The following AK9 variants were observed in gnomAD, a reference collection of about 807,000 sequenced individuals.
AK9 encodes the protein adenylate kinase domain containing 1.
A neutral mutation model predicts 239.6 loss-of-function variants in AK9; 191 were observed. The ratio of observed to expected loss-of-function variants is 0.80; its 90% CI spans 0.71 to 0.90. The LOEUF is 0.90. Among genes scored for constraint, AK9 ranks in the 40% least tolerant of loss-of-function variants. AK9 has a pLI of 0.00. For missense variants in AK9, 1,995 were observed against 2,214.7 expected (o/e 0.90, Z 1.99); for synonymous variants, 689 against 721.0 (o/e 0.96, Z 0.71).
chr6:109,651,700 A>G (rs980227326), intron 8 of AK9, among the ~76,000 whole-genome samples: 1 of 152,198 alleles, frequency 6.6e-6, no homozygotes, highest in Non-Finnish European at 1.5e-5. Context: ...AAAAGAGAGA[A>G]AAATCAAATA....
In AK9 at chr6:109,671,942, T is replaced by G. The variant is rs376163411; in HGVS notation, c.308A>C (p.Asn103Thr). The G allele has an allele frequency of 1.3e-5, 21 of 1,613,860 alleles. No homozygotes were observed. The South Asian group carries it at 2.3e-4, about 18-fold the overall frequency. ...LVIKLMLEKL[N>T]SPEVCHFGYI... ...ACCAAAGTGACAGACTTCTGGGGAG[T>G]TGAGCTTCTCCAACATTAGCTTTAT... The change falls in exon 5 of 41, where the codon AAC becomes ACC. Residue 103 changes from asparagine (N) to threonine (T), a missense_variant. Around this residue, in one of 5 missense-constraint regions of AK9, gnomAD observed 252 missense variants for 246.4 expected, o/e 1.02. Transcript: ENST00000424296.
At chr6:109,686,525 G>C (rs1240053365) in intron 1 of AK9, among the ~76,000 whole-genome samples, 3 of 152,200 alleles carry the variant, frequency 2.0e-5, no homozygotes, top group Non-Finnish European at 4.4e-5. Flanking sequence ...CACACAGCAA[G>C]AAAGAGCTCT....
intron 1 of AK9, among the ~76,000 whole-genome samples, chr6:109,687,287 G>A (rs1450010394): frequency 1.3e-5 from 2 of 152,204 alleles, no homozygotes; most frequent in Admixed American, 6.5e-5. Flanking sequence ...GAAGAAGCAT[G>A]TGATTGGGCC....
intron 29 of AK9, among the ~76,000 whole-genome samples, chr6:109,521,854 G>T (rs899118317): frequency 4.0e-5 from 6 of 151,798 alleles, no homozygotes; most frequent in African/African-American, 1.2e-4. Flanking sequence ...TACTCTTATT[G>T]TCTCTCCCCA....
chr6:109,542,789 C>A (rs749630363), intron 26 of AK9, among the ~76,000 whole-genome samples: 1 of 152,020 alleles, frequency 6.6e-6, no homozygotes, highest in Non-Finnish European at 1.5e-5. Flanking sequence ...AAAGTAATTG[C>A]GGTTTTTGCT....
chr6:109,533,983 C>T (rs933497210), intron 27 of AK9, among the ~76,000 whole-genome samples: 1 of 151,932 alleles, frequency 6.6e-6, no homozygotes, highest in African/African-American at 2.4e-5. Flanking sequence ...AGTGGGAGCC[C>T]TCACCTTTGG....
chr6:109,508,153 G>C (rs1457034677), intron 33 of AK9, among the ~76,000 whole-genome samples: 2 of 152,154 alleles, frequency 1.3e-5, no homozygotes, highest in Non-Finnish European at 2.9e-5. Context: ...TGAGTCTCTA[G>C]GCACTGGCCT....
chr6:109,529,058 T>C lies in AK9; in HGVS notation c.3586A>G (p.Lys1196Glu), dbSNP rs1425945086. The C allele has an allele frequency of 6.3e-7, 1 of 1,581,724 alleles. No homozygotes were observed. Among genetic ancestry groups the C allele is most frequent in the South Asian group, 1.2e-5 (1 of 84,846 alleles). The change falls in exon 29 of 41, where the codon AAA becomes GAA. Residue 1196 changes from lysine to glutamate, a missense_variant. Physicochemically the swap from Lys to Glu is moderately conservative, Grantham distance 56 (BLOSUM62 1). This residue lies in a region of AK9 where 1,290 missense variants were observed against 1,392.7 expected (regional missense o/e 0.93). Transcript: ENST00000424296. ...KAKIRVDTIA[K>E]RRAELILERD... is the part of the protein sequence containing the mutation. ...TCTAATATAAGTTCAGCCCTTCTTT[T>C]AGCAATCGTATCAACCTGTTAAAGA...
chr6:109,497,076 G>C (rs912524110), intron 38 of AK9, among the ~76,000 whole-genome samples: 1 of 151,990 alleles, frequency 6.6e-6, no homozygotes, highest in African/African-American at 2.4e-5. Context: ...TTACAGTTCA[G>C]GAATACCCTA....
Position 109,506,644 on chromosome 6 carries a change from T to C in AK9, c.4628+10A>G, listed in dbSNP as rs1358372351. 1.3e-6 allele frequency: 2 copies of C among 1,533,784 alleles called. No individual in the cohort carries two copies. The highest frequency in any genetic ancestry group is 1.8e-6 in the Non-Finnish European group (2 of 1,135,064). The stretch of plus-strand genomic sequence containing the variant: ...TATTCCTTTTTTGTTGTCTTCATCA[T>C]GTACATTACCTTTGTTCATTTTCTT... On this transcript the variant is annotated intron_variant, in intron 34 of 40. Transcript: ENST00000424296.
chr6:109,661,964 G>A (rs185150446), intron 6 of AK9, among the ~76,000 whole-genome samples: 3 of 152,058 alleles, frequency 2.0e-5, no homozygotes, highest in African/African-American at 4.8e-5. Flanking sequence ...ACCTTAACTC[G>A]TAATTAATGT....
chr6:109,504,144 A>G (rs1220543495), intron 35 of AK9, among the ~76,000 whole-genome samples: 2 of 152,190 alleles, frequency 1.3e-5, no homozygotes, highest in Non-Finnish European at 2.9e-5. Flanking sequence ...GCTTGTAGCC[A>G]GGAGTTTGAG....
intron 17 of AK9, among the ~76,000 whole-genome samples, chr6:109,592,742 A>G (rs1269993234): frequency 6.6e-6 from 1 of 151,144 alleles, no homozygotes; most frequent in Admixed American, 6.6e-5. Context: ...CACCGTGCCC[A>G]GCGGGATTTT....
intron 17 of AK9, among the ~76,000 whole-genome samples, chr6:109,598,181 G>A (rs1177106114): frequency 1.3e-5 from 2 of 151,718 alleles, no homozygotes; most frequent in African/African-American, 4.8e-5. Context: ...CCATTAACTC[G>A]TCATTTACAT....
At chr6:109,569,391 T>C (rs959518734) in intron 21 of AK9, among the ~76,000 whole-genome samples, 4 of 151,986 alleles carry the variant, frequency 2.6e-5, no homozygotes, top group African/African-American at 4.8e-5. Context: ...ATGACTAAAA[T>C]ACCAAAAGCA....
chr6:109,514,229 G>A lies in AK9; in HGVS notation c.4274C>T (p.Thr1425Ile). 1 of 1,550,346 alleles carries A rather than the reference G, an allele frequency of 6.5e-7. No individual in the cohort carries two copies. Among genetic ancestry groups the A allele is most frequent in the Admixed American group, 2.0e-5 (1 of 50,668 alleles). ...IIVGPPKSGK[T>I]TVAKKITSEY... Reference sequence around the variant, plus strand: ...AAAGGCAAACATACGCTCACCTGTAGTTTTCCCAGATTTTGGAGGCCCCAC... The same window carrying A: ...AAAGGCAAACATACGCTCACCTGTAATTTTCCCAGATTTTGGAGGCCCCAC... Residue 1425 changes from threonine to isoleucine, a missense_variant, in exon 32 of 41, where the codon ACT becomes ATT. Coordinates refer to ENST00000424296, the MANE Select transcript of AK9 (RefSeq NM_001145128.3).
intron 29 of AK9, 100 bp downstream of exon 29, chr6:109,528,911 C>T: frequency 1.3e-6 from 2 of 1,532,548 alleles, no homozygotes; most frequent in Non-Finnish European, 1.8e-6. Context: ...CCCTTGAGCC[C>T]AGGAGTTCGA....
chr6:109,550,230 C>G lies in AK9; in HGVS notation c.2824G>C (p.Glu942Gln), dbSNP rs1475189990. 1.9e-6 allele frequency: 3 copies of G among 1,613,346 alleles called. No homozygotes were observed. The highest frequency in any genetic ancestry group is 2.5e-6 in the Non-Finnish European group (3 of 1,179,972). ...TTTCCTGGTTGCAGGATGAAGTTTT[C>G]TTTGAGGACCACCGGACAAAAGTGT... is the stretch of plus-strand genomic sequence containing the variant. ...TKHFCPVVLK[E>Q]NFILQPGNTE... Residue 942 changes from glutamate (E) to glutamine (Q), a missense_variant, in exon 25 of 41, where the codon GAA becomes CAA. Coordinates refer to ENST00000424296, the MANE Select transcript of AK9 (RefSeq NM_001145128.3).
At chr6:109,641,379 G>A (rs1241967099) in intron 10 of AK9, 139 bp downstream of exon 10, 2 of 508,994 alleles carry the variant, frequency 3.9e-6, no homozygotes, top group Middle Eastern at 3.8e-4. Context: ...GTAGAGATGG[G>A]TTCTGACTAG....
Sources: allele counts gnomAD v4.1 joint callset (sites outside exome capture counted in the v4.1 genomes callset), GRCh38; gene constraint gnomAD v4.1.1; regional missense constraint gnomAD v4.1.1; transcripts MANE v1.5; gene names NCBI Gene and HGNC (gene_info 2026-07-23, HGNC 2026-07-21).